Variants in EXTL3 observed in about 807,000 individuals in gnomAD.
EXTL3 encodes exostosin like glycosyltransferase 3.
A neutral mutation model predicts 69.3 loss-of-function variants in EXTL3; 27 were observed. The observed-to-expected ratio is 0.39, with a 90% CI of 0.29 to 0.54. EXTL3 has a LOEUF of 0.54. EXTL3 is among the 20% of genes least tolerant of loss of function. The pLI, the probability that EXTL3 is intolerant of heterozygous loss-of-function variation, is 0.69. For synonymous variants in EXTL3, 511 were observed against 499.4 expected (o/e 1.02, Z -0.31); for missense variants, 1,003 against 1,231.8 (o/e 0.81, Z 2.78).
chr8:28,739,946 A>G (rs1801740659), intron 5 of EXTL3: 1 of 152,246 alleles, frequency 6.6e-6, no homozygotes, highest in Non-Finnish European at 1.5e-5. Context: ...CTTTAAAACC[A>G]TGAATGGTCA....
At chr8:28,681,999 C>T (rs929103031) in intron 1 of EXTL3, among the ~76,000 whole-genome samples, 1 of 152,188 alleles carries the variant, frequency 6.6e-6, no homozygotes, top group Non-Finnish European at 1.5e-5. Context: ...GTGGAGGTTG[C>T]GGTGAGCTGA....
At chr8:28,640,695 T>C (rs548167810) in intron 1 of EXTL3, among the ~76,000 whole-genome samples, 47 of 152,312 alleles carry the variant, frequency 3.1e-4, no homozygotes, top group Middle Eastern at 3.4e-3. Context: ...TTCGACCTCC[T>C]GGGCTCAAGC....
intron 1 of EXTL3, among the ~76,000 whole-genome samples, chr8:28,703,934 C>T (rs757323832): frequency 2.6e-5 from 4 of 152,116 alleles, no homozygotes; most frequent in Admixed American, 6.5e-5. Flanking sequence ...GGATTTTTCA[C>T]GTTTGGAGGT....
At chr8:28,658,450 A>G in intron 1 of EXTL3, among the ~76,000 whole-genome samples, 1 of 152,174 alleles carries the variant, frequency 6.6e-6, no homozygotes, top group Admixed American at 6.5e-5. Flanking sequence ...GCACATAAAA[A>G]TATATTCTAT....
chr8:28,676,642 C>A (rs1224223063), intron 1 of EXTL3, among the ~76,000 whole-genome samples: 1 of 152,128 alleles, frequency 6.6e-6, no homozygotes, highest in Non-Finnish European at 1.5e-5. Flanking sequence ...CACAAATAAC[C>A]AAATCAACCT....
chr8:28,617,775 G>A (rs145559463), upstream of EXTL3, among the ~76,000 whole-genome samples: 196 of 152,248 alleles, frequency 1.3e-3, 4 homozygotes, highest in African/African-American at 4.6e-3. Context: ...GCAAGACACT[G>A]TCCTCAAAAC....
chr8:28,649,020 G>A (rs1393912843), intron 1 of EXTL3, among the ~76,000 whole-genome samples: 1 of 152,080 alleles, frequency 6.6e-6, no homozygotes, highest in Non-Finnish European at 1.5e-5. Context: ...TGCCTCCTGA[G>A]TAGCTGGGAT....
chr8:28,729,734 C>T (rs544528475), intron 3 of EXTL3, among the ~76,000 whole-genome samples: 2 of 151,002 alleles, frequency 1.3e-5, no homozygotes, highest in Non-Finnish European at 2.9e-5. Context: ...GGCGTGGTGG[C>T]TCATGCCTGT....
chr8:28,618,657 G>A (rs1018050578), upstream of EXTL3, among the ~76,000 whole-genome samples: 4 of 152,112 alleles, frequency 2.6e-5, no homozygotes, highest in Admixed American at 1.3e-4. Flanking sequence ...AAAAAGTGTG[G>A]GGGATTTATG....
At position 28,745,068 on chromosome 8, in the gene EXTL3, A is replaced by C. The variant is rs1302397187; in HGVS notation, c.2550+1854A>C. On this transcript the variant is annotated intron_variant, in intron 6 of 6. Coordinates refer to ENST00000220562, the MANE Select transcript of EXTL3 (RefSeq NM_001440.4). ...CTTTAGAAGCTGGGTGTAGTGGCAC[A>C]TGCCTGGTAGTCTCAGCTACTCAGG... 2.6e-5 allele frequency among the ~76,000 whole-genome samples: 4 copies of C among 152,004 alleles called. No homozygotes were observed. The East Asian group carries it at 7.8e-4, about 30-fold the overall frequency.
chr8:28,691,066 T>C (rs940307463), intron 1 of EXTL3, among the ~76,000 whole-genome samples: 3 of 152,208 alleles, frequency 2.0e-5, no homozygotes, highest in Non-Finnish European at 4.4e-5. Context: ...TACCAGACTT[T>C]TAGGTTTAAT....
intron 1 of EXTL3, among the ~76,000 whole-genome samples, chr8:28,687,926 G>C (rs1254900003): frequency 6.6e-6 from 1 of 152,072 alleles, no homozygotes; most frequent in African/African-American, 2.4e-5. Flanking sequence ...TTTTCATTTT[G>C]TGTTTTCATT....
intron 1 of EXTL3, among the ~76,000 whole-genome samples, chr8:28,672,165 C>G (rs531263929): frequency 1.3e-5 from 2 of 152,130 alleles, no homozygotes; most frequent in South Asian, 4.2e-4. Flanking sequence ...CCTGTAATCC[C>G]AGCAGTTTGG....
intron 5 of EXTL3, 113 bp downstream of exon 5, chr8:28,737,776 G>C: frequency 8.2e-7 from 1 of 1,213,432 alleles, no homozygotes. Context: ...TGTTTCTTTT[G>C]TGCTAGAAGT....
upstream of EXTL3, among the ~76,000 whole-genome samples, chr8:28,620,860 T>C (rs1266099049): frequency 1.3e-5 from 2 of 152,118 alleles, no homozygotes; most frequent in Non-Finnish European, 2.9e-5. Flanking sequence ...GGGGCTATGG[T>C]GGGCACCATC....
chr8:28,650,292 A>G (rs1384054673), intron 1 of EXTL3, among the ~76,000 whole-genome samples: 2 of 151,220 alleles, frequency 1.3e-5, no homozygotes, highest in Non-Finnish European at 2.9e-5. Context: ...TGTGAGGTAG[A>G]GGTCCATTTT....
At chr8:28,616,829 TC>T (rs896552699) in intron 2 of EXTL3, among the ~76,000 whole-genome samples, 32 of 152,316 alleles carry the variant, frequency 2.1e-4, no homozygotes, top group African/African-American at 7.5e-4. Flanking sequence ...AGACTCCTCT[TC>T]ATCTGCCTTG....
intron 1 of EXTL3, among the ~76,000 whole-genome samples, chr8:28,647,966 TGGG>T (rs1563435240): frequency 2.0e-4 from 1 of 5,036 alleles, no homozygotes; most frequent in Admixed American, 2.5e-3. Flanking sequence ...GGGGGTGGGT[TGGG>T]GGTGGGAGAC....
At position 28,656,243 on chromosome 8, in the gene EXTL3, C is replaced by G. The variant is rs186289094; in HGVS notation, c.-53+33433C>G. Reference sequence around the variant, plus strand: ...GGGGTGCAGTGGCATGATCTTGGCTCGCTGCAGCCTCTGCCTCCTGGGAGG... The same window carrying G: ...GGGGTGCAGTGGCATGATCTTGGCTGGCTGCAGCCTCTGCCTCCTGGGAGG... On this transcript the variant is annotated intron_variant, in intron 1 of 6. Coordinates refer to the EXTL3 transcript ENST00000523149. 1.8e-3 allele frequency among the ~76,000 whole-genome samples: 280 copies of G among 151,848 alleles called. 2 individuals are homozygous for G. The highest frequency in any genetic ancestry group is 6.3e-3 in the African/African-American group (262 of 41,354).
Sources: gnomAD v4.1 joint callset for allele counts (sites outside exome capture counted in the v4.1 genomes callset) on GRCh38, gnomAD v4.1.1 for gene constraint, MANE v1.5 for transcripts, NCBI Gene and HGNC (gene_info 2026-07-23, HGNC 2026-07-21) for gene names.